Variants in KLHL1 observed in about 807,000 individuals in gnomAD.
The protein encoded by KLHL1 is kelch like family member 1.
In KLHL1, 47 loss-of-function variants were observed where a neutral mutation model predicts 77.7. That is an observed-to-expected ratio of 0.60 (90% CI 0.48 to 0.77). The LOEUF is 0.77. KLHL1 is among the 30% of genes least tolerant of loss of function. KLHL1 has a pLI of 0.00. For missense variants in KLHL1, 925 were observed against 910.8 expected (o/e 1.02, Z -0.20); for synonymous variants, 360 against 325.2 (o/e 1.11, Z -1.15).
chr13:69,958,855 T>G (rs1250694469), intron 3 of KLHL1, among the ~76,000 whole-genome samples: 1 of 152,006 alleles, frequency 6.6e-6, no homozygotes. Context: ...AAGAAAAGTC[T>G]TAGATATCTG....
rs941442644 is a variant in KLHL1, at chr13:69,777,777, A to ATAAC, written c.1639+18957_1639+18960dup. 3.9e-5 allele frequency among the ~76,000 whole-genome samples: 6 copies of ATAAC among 152,276 alleles called. 1 individual carries two copies. Among genetic ancestry groups the ATAAC allele is most frequent in the African/African-American group, 1.4e-4 (6 of 41,574 alleles). On this transcript the variant is annotated intron_variant, in intron 7 of 10. Transcript: ENST00000377844. ...CAGAGCACCCTTACTCATTGTATGT[A>ATAAC]TAACTAACTCTTTATTTAAATTGTC... is the stretch of plus-strand genomic sequence containing the variant.
At chr13:69,858,248 T>A (rs17085538) in intron 5 of KLHL1, among the ~76,000 whole-genome samples, 48,633 of 151,888 alleles carry the variant, frequency 0.32, 8,333 homozygotes, top group African/African-American at 0.45. Context: ...TTCCTTCAAC[T>A]GACACCCTCT....
chr13:69,873,754 A>C (rs536559986), intron 5 of KLHL1, among the ~76,000 whole-genome samples: 1 of 152,218 alleles, frequency 6.6e-6, no homozygotes, highest in African/African-American at 2.4e-5. Flanking sequence ...CAGAACTTAA[A>C]GTATATATAT....
At chr13:69,895,153 G>T in intron 4 of KLHL1, 1 of 468,470 alleles carries the variant, frequency 2.1e-6, no homozygotes, top group Non-Finnish European at 4.2e-6. Context: ...CTTCCTCCAT[G>T]AGAAGGTAGT....
chr13:69,919,680 A>G (rs1466547400), intron 4 of KLHL1, among the ~76,000 whole-genome samples: 1 of 152,120 alleles, frequency 6.6e-6, no homozygotes, highest in Non-Finnish European at 1.5e-5. Flanking sequence ...CTGGACAAGC[A>G]GGTCACAACA....
intron 8 of KLHL1, among the ~76,000 whole-genome samples, chr13:69,737,885 G>A (rs1873828491): frequency 6.6e-6 from 1 of 152,158 alleles, no homozygotes; most frequent in Admixed American, 6.5e-5. Flanking sequence ...CCACCAAGCT[G>A]CAGTCAGACT....
chr13:69,879,849 A>G (rs1880919893), intron 5 of KLHL1, among the ~76,000 whole-genome samples: 2 of 152,176 alleles, frequency 1.3e-5, no homozygotes, highest in Non-Finnish European at 2.9e-5. Flanking sequence ...GCTGATTCTC[A>G]AAGTACTCAT....
At chr13:70,011,374 T>G (rs1885530106) in intron 1 of KLHL1, among the ~76,000 whole-genome samples, 1 of 152,224 alleles carries the variant, frequency 6.6e-6, no homozygotes, top group South Asian at 2.1e-4. Flanking sequence ...AAGTTTAGTA[T>G]TTTAATACAA....
At chr13:69,879,038 G>A (rs1383403875) in intron 5 of KLHL1, among the ~76,000 whole-genome samples, 2 of 152,154 alleles carry the variant, frequency 1.3e-5, no homozygotes, top group South Asian at 2.1e-4. Context: ...ATTCATAGGT[G>A]GGAATTGAAC....
intron 6 of KLHL1, among the ~76,000 whole-genome samples, chr13:69,832,743 T>C (rs1251418171): frequency 1.3e-5 from 2 of 152,012 alleles, no homozygotes; most frequent in South Asian, 2.1e-4. Flanking sequence ...AGCATGGTAC[T>C]GGTATAAAAA....
chr13:70,094,700 T>C (rs1887747412), intron 1 of KLHL1, among the ~76,000 whole-genome samples: 1 of 152,090 alleles, frequency 6.6e-6, no homozygotes, highest in Non-Finnish European at 1.5e-5. Flanking sequence ...AATGCTTTTG[T>C]GGCAATTTCA....
At chr13:69,740,585 C>T in intron 7 of KLHL1, 29 bp from the exon 8 acceptor site, 2 of 1,531,028 alleles carry the variant, frequency 1.3e-6, no homozygotes, top group Non-Finnish European at 1.8e-6. Flanking sequence ...GAATGTAGTG[C>T]CTATAGTTAA....
intron 6 of KLHL1, among the ~76,000 whole-genome samples, chr13:69,832,558 C>A (rs115649459): frequency 0.023 from 3,155 of 139,096 alleles, 351 homozygotes; most frequent in African/African-American, 0.085. Flanking sequence ...CAATTCCCAT[C>A]AAAATATTTT....
intron 1 of KLHL1, among the ~76,000 whole-genome samples, chr13:69,999,601 G>GTTGT (rs1324455331): frequency 1.3e-5 from 2 of 151,984 alleles, no homozygotes; most frequent in African/African-American, 4.8e-5. Context: ...CAAAAATCAG[G>GTTGT]TTGTTTGTAA....
intron 7 of KLHL1, among the ~76,000 whole-genome samples, chr13:69,782,447 C>A (rs968967690): frequency 6.6e-6 from 1 of 152,180 alleles, no homozygotes; most frequent in Non-Finnish European, 1.5e-5. Flanking sequence ...CCTGGAAAAT[C>A]GGGTCACTCC....
chr13:69,931,987 A>G (rs1258618283), intron 4 of KLHL1, among the ~76,000 whole-genome samples: 5 of 151,844 alleles, frequency 3.3e-5, no homozygotes, highest in African/African-American at 1.2e-4. Flanking sequence ...GGATGCAGAG[A>G]AAATATTTTA....
intron 9 of KLHL1, among the ~76,000 whole-genome samples, chr13:69,710,967 G>C (rs1343494373): frequency 6.6e-6 from 1 of 152,010 alleles, no homozygotes; most frequent in Non-Finnish European, 1.5e-5. Flanking sequence ...AGAAGTGCCA[G>C]TATATAGCGG....
intron 7 of KLHL1, among the ~76,000 whole-genome samples, chr13:69,757,857 T>TGAGGCAGGAGAATCTCCTGAACTCAG (rs1874828915): frequency 6.7e-6 from 1 of 148,750 alleles, no homozygotes; most frequent in Admixed American, 6.9e-5. Flanking sequence ...CTCAGGAGGC[T>TGAGGCAGGAGAATCTCCTGAACTCAG]GAGGCAGGAG....
chr13:69,795,983 C>A (rs372778828), intron 7 of KLHL1, among the ~76,000 whole-genome samples: 10 of 152,160 alleles, frequency 6.6e-5, no homozygotes, highest in African/African-American at 2.4e-4. Context: ...ACTCAACCCA[C>A]ATTAACTATT....
Sources: allele counts gnomAD v4.1 joint callset (sites outside exome capture counted in the v4.1 genomes callset), GRCh38; gene constraint gnomAD v4.1.1; transcripts MANE v1.5; gene names NCBI Gene and HGNC (gene_info 2026-07-23, HGNC 2026-07-21).